The following SFTPC variants were observed in gnomAD, a reference collection of about 807,000 sequenced individuals.
SFTPC encodes the protein BRICHOS domain containing 6.
In SFTPC, 12 loss-of-function variants were observed where a neutral mutation model predicts 19.9. The observed-to-expected ratio is 0.60, with a 90% CI of 0.39 to 0.98. The LOEUF is 0.98. SFTPC is among the 50% of genes least tolerant of loss of function. The pLI is 0.00. For synonymous variants in SFTPC, 123 were observed against 103.3 expected (o/e 1.19, Z -1.16); for missense variants, 219 against 252.2 (o/e 0.87, Z 0.89).
At chr8:22,163,336 A>G in intron 3 of SFTPC, 100 bp from the exon 4 acceptor site, 1 of 1,509,496 alleles carries the variant, frequency 6.6e-7, no homozygotes, top group Admixed American at 1.7e-5. Flanking sequence ...AGATTCTAGT[A>G]TGACTCCCGT....
At chr8:22,163,225 AC>A in intron 3 of SFTPC, 23 bp downstream of exon 3, 1 of 1,613,962 alleles carries the variant, frequency 6.2e-7, no homozygotes, top group Non-Finnish European at 8.5e-7. Flanking sequence ...AGACCTCCTG[AC>A]CCTGGGACCA....
chr8:22,160,742 G>C (rs1827683230), upstream of SFTPC, among the ~76,000 whole-genome samples: 2 of 152,206 alleles, frequency 1.3e-5, no homozygotes, highest in Non-Finnish European at 2.9e-5. Context: ...AGGAGTGAAA[G>C]GGAACCTGAG....
upstream of SFTPC, chr8:22,159,478 C>A: frequency 3.0e-6 from 1 of 335,822 alleles, no homozygotes; most frequent in South Asian, 2.2e-5. Context: ...CTCCAAGGAA[C>A]CCAAGACCTT....
chr8:22,159,215 G>A (rs8192311), upstream of SFTPC: 162 of 162,584 alleles, frequency 1.0e-3, no homozygotes, highest in African/African-American at 3.8e-3. Flanking sequence ...GGAGATCAAC[G>A]CTGCAGTGAG....
chr8:22,159,610 C>A, upstream of SFTPC: 1 of 417,796 alleles, frequency 2.4e-6, no homozygotes, highest in Non-Finnish European at 4.6e-6. Flanking sequence ...GAGCTTGTGA[C>A]AGCTACAGCC....
upstream of SFTPC, chr8:22,161,522 C>T: frequency 1.8e-6 from 1 of 567,996 alleles, no homozygotes; most frequent in East Asian, 3.6e-5. Context: ...GCAGGCACGC[C>T]AGGAAGACAC....
chr8:22,163,307 C>T, intron 3 of SFTPC, 105 bp downstream of exon 3: 1 of 1,559,090 alleles, frequency 6.4e-7, no homozygotes, highest in Non-Finnish European at 8.8e-7. Flanking sequence ...CTCCTCCAGA[C>T]CTTTTTTGCC....
intron 1 of SFTPC, 48 bp downstream of exon 1, chr8:22,161,918 T>C (rs749041331): frequency 2.5e-5 from 40 of 1,582,014 alleles, no homozygotes; most frequent in Non-Finnish European, 3.5e-5. Context: ...CGCACATGTG[T>C]GTGATGGGCC....
upstream of SFTPC, chr8:22,161,604 A>G (rs1827721077): frequency 1.4e-6 from 2 of 1,419,772 alleles, no homozygotes; most frequent in Non-Finnish European, 1.9e-6. Context: ...TGCTGGGGCC[A>G]AGAGGACTCA....
At chr8:22,162,201 C>T (rs1586418914) in intron 1 of SFTPC, among the ~76,000 whole-genome samples, 1 of 152,098 alleles carries the variant, frequency 6.6e-6, no homozygotes. Context: ...GAGGAGCTCG[C>T]CCGGTGGAGA....
In SFTPC at chr8:22,162,615, C is replaced by T; in HGVS notation, c.84C>T (p.Cys28=). The T allele has an allele frequency of 6.2e-7, 1 of 1,614,176 alleles. No individual in the cohort carries two copies. The highest frequency in any genetic ancestry group is 8.5e-7 in the Non-Finnish European group (1 of 1,180,006). ...AAPRGRFGIP[C]CPVHLKRLLI... ...CCCGGGGCCGATTTGGCATTCCCTG[C>T]TGCCCAGTGCACCTGAAACGCCTTC... The change falls in exon 2 of 6, where the codon TGC becomes TGT. Residue 28 remains cysteine (C), a synonymous_variant. Coordinates refer to ENST00000679463, the MANE Select transcript of SFTPC (RefSeq NM_001317778.2).
rs1323191356 is a variant in SFTPC at position 22,163,991 on chromosome 8, G to T, written c.526G>T (p.Gly176Cys). ...CTCCGGAGGGGACCCGGCCTTCCTGGGCATGGCCGTGAGCACCCTGTGTGG... is the reference window on the plus strand; with the variant it reads ...CTCCGGAGGGGACCCGGCCTTCCTGTGCATGGCCGTGAGCACCCTGTGTGG... ...APSGGDPAFL[G>C]MAVSTLCGEV... Residue 176 changes from glycine to cysteine, a missense_variant, in exon 5 of 6, where the codon GGC becomes TGC. Transcript: ENST00000679463. 6.2e-7 allele frequency: 1 copy of T among 1,612,524 alleles called. No individual in the cohort carries two copies. Among genetic ancestry groups the T allele is most frequent in the African/African-American group, 1.3e-5 (1 of 74,900 alleles).
rs1489591822 is a variant in SFTPC, at chr8:22,161,850, G to C, written c.22G>C (p.Val8Leu). 2 of 1,614,004 alleles carry C rather than the reference G, an allele frequency of 1.2e-6. No individual in the cohort carries two copies. Among genetic ancestry groups the C allele is most frequent in the African/African-American group, 2.7e-5 (2 of 74,936 alleles). MDVGSKE[V>L]LMESPPDYSA... is the part of the protein sequence containing the mutation. ...CAAGATGGATGTGGGCAGCAAAGAG[G>C]TCCTGATGGAGAGCCCGCCGGTGAG... The change falls in exon 1 of 6, where the codon GTC becomes CTC. Residue 8 changes from valine to leucine, a missense_variant. Transcript: ENST00000679463.
At chr8:22,159,271 A>G (rs1455524428), upstream of SFTPC, among the ~76,000 whole-genome samples, 1 of 152,258 alleles carries the variant, frequency 6.6e-6, no homozygotes, top group African/African-American at 2.4e-5. Context: ...TGGGTAACAG[A>G]GTGAGACCCT....
At chr8:22,158,180 A>G (rs1024813286), upstream of SFTPC, among the ~76,000 whole-genome samples, 19 of 152,124 alleles carry the variant, frequency 1.2e-4, no homozygotes, top group African/African-American at 4.6e-4. Flanking sequence ...TGGCTTTAAG[A>G]TGCTTCCCCA....
chr8:22,160,997 G>A (rs1320908653), upstream of SFTPC, among the ~76,000 whole-genome samples: 1 of 152,168 alleles, frequency 6.6e-6, no homozygotes, highest in East Asian at 1.9e-4. Context: ...GAGACTGGGA[G>A]CCCACCAGTG....
At chr8:22,160,908 A>G (rs564071933), upstream of SFTPC, among the ~76,000 whole-genome samples, 34 of 152,350 alleles carry the variant, frequency 2.2e-4, no homozygotes, top group South Asian at 7.0e-3. Context: ...GGGCAAATTT[A>G]GGATCAGAGG....
intron 4 of SFTPC, 101 bp downstream of exon 4, chr8:22,163,647 T>G: frequency 2.3e-6 from 2 of 884,776 alleles, no homozygotes; most frequent in South Asian, 2.8e-5. Context: ...GCACTGTTCC[T>G]CATTGGCTGC....
In SFTPC at chr8:22,163,944, G is replaced by A. The variant is rs902020208; in HGVS notation, c.479G>A (p.Gly160Glu). The A allele has an allele frequency of 6.8e-6, 11 of 1,613,778 alleles. No homozygotes were observed. The highest frequency in any genetic ancestry group is 9.3e-6 in the Non-Finnish European group (11 of 1,180,050). The change falls in exon 5 of 6, where the codon GGG becomes GAG. Residue 160 changes from glycine to glutamate, a missense_variant. By Grantham distance (98) the Gly-to-Glu change is moderately conservative (BLOSUM62 -2). Transcript: ENST00000679463. ...ACGTCTAAGCTGGGCCAGGCAGAGG[G>A]GCGAGATGCAGGCTCAGCACCCTCC... is the stretch of plus-strand genomic sequence containing the variant. ...VPTSKLGQAE[G>E]RDAGSAPSGG... is the part of the protein sequence containing the mutation.
Sources: gnomAD v4.1 joint callset for allele counts (sites outside exome capture counted in the v4.1 genomes callset) on GRCh38, gnomAD v4.1.1 for gene constraint, MANE v1.5 for transcripts, NCBI Gene and HGNC (gene_info 2026-07-23, HGNC 2026-07-21) for gene names.